WIPI1: variants seen among roughly 807,000 people sequenced by gnomAD.
WIPI1 encodes WD repeat domain, phosphoinositide interacting 1.
In WIPI1, 45 loss-of-function variants were observed where a neutral mutation model predicts 55.3. That is an observed-to-expected ratio of 0.81 (90% CI 0.64 to 1.04). The LOEUF (loss-of-function observed/expected upper bound fraction) is 1.04. WIPI1 is among the 50% of genes least tolerant of loss of function. The probability of loss-of-function intolerance (pLI) is 0.00; values close to 1 mark genes in which losing one functional copy is unlikely to be tolerated. For synonymous variants in WIPI1, 195 were observed against 217.6 expected, an observed-to-expected ratio of 0.90 and a Z score of 0.92; for missense variants, 445 against 559.0, an observed-to-expected ratio of 0.80 and a Z score of 2.06.
chr17:68,437,948 T>TAAAAAAAAAAAAAAAAAAA (rs199649033), intron 4 of WIPI1, among the ~76,000 whole-genome samples: 3 of 78,802 alleles, frequency 3.8e-5, no homozygotes, highest in Non-Finnish European at 5.1e-5. Context: ...ACATCTCTCT[T>TAAAAAAAAAAAAAAAAAAA]AAAAAAAAAA....
At chr17:68,453,275 A>G (rs2084560000) in intron 1 of WIPI1, among the ~76,000 whole-genome samples, 1 of 152,224 alleles carries the variant, frequency 6.6e-6, no homozygotes, top group African/African-American at 2.4e-5. Context: ...CAAATCTAGC[A>G]GACATGTTTT....
chr17:68,435,697 TA>T lies in WIPI1; in HGVS notation c.543del (p.Ile182LeufsTer8). The T allele has an allele frequency of 6.2e-7, 1 of 1,614,198 alleles. No individual in the cohort carries two copies. The highest frequency in any genetic ancestry group is 8.5e-7 in the Non-Finnish European group (1 of 1,180,016). Reference sequence around the variant, plus strand: ...GCTAGTGTTCCCTCATGGGCAGCAATAGTGCAGACTGTTTTCTGTTGGTGAA... The same window carrying T: ...GCTAGTGTTCCCTCATGGGCAGCAATGTGCAGACTGTTTTCTGTTGGTGAA... ...YDGNSLKTVCTIAAHEGTLAA... is the reference protein window; with the variant it reads ...YDGNSLKTVCXIAAHEGTLAA... On this transcript the variant is annotated frameshift_variant, in exon 6 of 13. Transcript: ENST00000262139. LOFTEE classifies it high-confidence loss of function.
intron 12 of WIPI1, chr17:68,422,665 G>T (rs992489047): frequency 2.1e-5 from 3 of 140,738 alleles, no homozygotes; most frequent in Admixed American, 1.6e-4. Context: ...GGAGGTGGAG[G>T]TTGCAGTGAG....
chr17:68,439,202 T>C (rs1280888341), intron 4 of WIPI1, among the ~76,000 whole-genome samples: 1 of 152,194 alleles, frequency 6.6e-6, no homozygotes, highest in Non-Finnish European at 1.5e-5. Flanking sequence ...GGCAGCATTA[T>C]TCATAAGTCA....
chr17:68,457,203 C>T (rs76441646), intron 1 of WIPI1, 139 bp downstream of exon 1: 276,217 of 980,716 alleles, frequency 0.28, 41,037 homozygotes, highest in East Asian at 0.34. Flanking sequence ...TAACAAGATC[C>T]CAATGCGTCC....
In WIPI1 at chr17:68,426,092, C is replaced by T. The variant is rs762830321; in HGVS notation, c.1276G>A (p.Glu426Lys). 8 of 1,612,786 alleles carry T rather than the reference C, an allele frequency of 5.0e-6. No individual in the cohort carries two copies. The highest frequency in any genetic ancestry group is 3.3e-5 in the Admixed American group (2 of 60,022). Residue 426 changes from glutamate (E) to lysine (K), a missense_variant, in exon 12 of 13, where the codon GAG (glutamate) becomes AAG (lysine). Physicochemically the swap from Glu to Lys is moderately conservative, Grantham distance 56. Transcript: ENST00000262139. ...FATGPVCLDD[E>K]NEFPPIILCR... ...ATGCTCACAGGAGGAAACTCATTCT[C>T]ATCATCAAGACACACTGGTCCCGTC...
At chr17:68,426,228 CATGA>C in intron 11 of WIPI1, 53 bp from the exon 12 acceptor site, 2 of 984,656 alleles carry the variant, frequency 2.0e-6, no homozygotes, top group Non-Finnish European at 1.5e-6. Context: ...GCTTTTATGC[CATGA>C]CCTGGCGGGT....
intron 3 of WIPI1, among the ~76,000 whole-genome samples, chr17:68,447,720 C>T (rs181665684): frequency 9.9e-5 from 15 of 152,136 alleles, no homozygotes; most frequent in Non-Finnish European, 1.5e-4. Flanking sequence ...GGGCCAGGTG[C>T]GGTGGCTCAC....
Position 68,430,185 on chromosome 17 carries a change from A to G in WIPI1, c.801-25T>C, listed in dbSNP as rs760531734. On this transcript the variant is annotated intron_variant, in intron 8 of 12. Coordinates refer to ENST00000262139, the MANE Select transcript of WIPI1 (RefSeq NM_017983.7). ...ACTAGGGAGTAATGCACAGGCAACG[A>G]TGGGACTGGGCTGCAGGCCCCACAC... 3.1e-6 allele frequency: 5 copies of G among 1,600,504 alleles called. No individual in the cohort carries two copies. In the Admixed American group the frequency reaches 5.2e-5, roughly 17 times the overall value.
At chr17:68,430,583 G>T (rs920464689) in intron 8 of WIPI1, among the ~76,000 whole-genome samples, 44 of 152,214 alleles carry the variant, frequency 2.9e-4, no homozygotes, top group Admixed American at 2.5e-3. Flanking sequence ...TCCTGAGCCA[G>T]ACTGAGTGGG....
intron 1 of WIPI1, among the ~76,000 whole-genome samples, chr17:68,454,517 C>T (rs1357712159): frequency 6.6e-6 from 1 of 152,144 alleles, no homozygotes; most frequent in Non-Finnish European, 1.5e-5. Context: ...GTCTCGCAGC[C>T]CTCCAACCTG....
At chr17:68,427,283 GAA>G in intron 10 of WIPI1, 30 bp from the exon 11 acceptor site, 1 of 1,549,680 alleles carries the variant, frequency 6.5e-7, no homozygotes, top group Non-Finnish European at 8.9e-7. Context: ...GGAGGTGAAA[GAA>G]AAAAGAAATC....
intron 12 of WIPI1, chr17:68,422,352 C>T (rs1285569912): frequency 1.3e-5 from 2 of 154,468 alleles, no homozygotes; most frequent in Admixed American, 6.3e-5. Context: ...TCGCTTGAAC[C>T]GGGGAGGTGG....
chr17:68,421,900 CCA>C (rs2082803791), intron 12 of WIPI1, 80 bp from the exon 13 acceptor site: 1 of 1,581,174 alleles, frequency 6.3e-7, no homozygotes, highest in Non-Finnish European at 8.7e-7. Flanking sequence ...AGGTCTGTGC[CCA>C]TGCAGAGTGA....
rs900815906 is a variant in WIPI1 at position 68,421,634 on chromosome 17, T to C, written c.*139A>G. 27 of 1,221,430 alleles carry C rather than the reference T, an allele frequency of 2.2e-5. No individual in the cohort carries two copies. Among genetic ancestry groups the C allele is most frequent in the Admixed American group, 2.0e-4 (11 of 55,576 alleles). The allele number at this position is 1,221,430 out of a possible 1,614,324, so 75.7% of individuals were successfully genotyped here. The stretch of plus-strand genomic sequence containing the variant: ...GCTTGGTGAGGAGTTAACCAGGTCC[T>C]GTGGTTTAAGCAGTGGAGCACCCGG... On this transcript the variant is annotated 3_prime_UTR_variant, in exon 13 of 13. Transcript: ENST00000262139.
At chr17:68,433,695 A>G in intron 7 of WIPI1, 120 bp from the exon 8 acceptor site, 1 of 622,684 alleles carries the variant, frequency 1.6e-6, no homozygotes. Context: ...GTAGACCCAG[A>G]TCCCTTAAAC....
At chr17:68,436,631 T>A in intron 4 of WIPI1, 152 bp from the exon 5 acceptor site, 1 of 663,514 alleles carries the variant, frequency 1.5e-6, no homozygotes. Context: ...TGATGATTCT[T>A]CTGATTAAGG....
chr17:68,432,625 G>A (rs772825214), intron 8 of WIPI1, among the ~76,000 whole-genome samples: 3 of 151,940 alleles, frequency 2.0e-5, no homozygotes, highest in African/African-American at 4.8e-5. Context: ...CCTCTGTTAC[G>A]TATGTGTTAG....
At chr17:68,444,094 T>C (rs1397024919) in intron 4 of WIPI1, among the ~76,000 whole-genome samples, 1 of 152,212 alleles carries the variant, frequency 6.6e-6, no homozygotes, top group Admixed American at 6.5e-5. Context: ...TTGCTGGCCA[T>C]GCAGACACGC....
Sources: allele counts gnomAD v4.1 joint callset (sites outside exome capture counted in the v4.1 genomes callset), GRCh38; gene constraint gnomAD v4.1.1; transcripts MANE v1.5; gene names NCBI Gene and HGNC (gene_info 2026-07-23, HGNC 2026-07-21).